The following CEP128 variants were observed in gnomAD, a reference collection of about 807,000 sequenced individuals.
CEP128 encodes centrosomal protein 128kDa.
CEP128 carries 132 observed loss-of-function variants against 156.7 expected under a neutral mutation model. That is an observed-to-expected ratio of 0.84 (90% CI 0.73 to 0.97). The LOEUF is 0.97. Among genes scored for constraint, CEP128 ranks in the 50% least tolerant of loss-of-function variants. CEP128 has a pLI of 0.00. For missense variants in CEP128, 1,252 were observed against 1,281.9 expected, an observed-to-expected ratio of 0.98 and a Z score of 0.36; for synonymous variants, 469 against 448.9, an observed-to-expected ratio of 1.04 and a Z score of -0.57.
At chr14:80,631,175 A>G (rs777567199) in intron 19 of CEP128, among the ~76,000 whole-genome samples, 28 of 151,966 alleles carry the variant, frequency 1.8e-4, no homozygotes, top group Non-Finnish European at 2.9e-4. Flanking sequence ...ATTAGCCACC[A>G]TCTCCATTGA....
At chr14:80,739,976 T>G (rs746496203) in intron 19 of CEP128, among the ~76,000 whole-genome samples, 1 of 152,170 alleles carries the variant, frequency 6.6e-6, no homozygotes, top group Admixed American at 6.6e-5. Flanking sequence ...CAGAGTTTAA[T>G]AAGTATCCAA....
intron 19 of CEP128, among the ~76,000 whole-genome samples, chr14:80,724,093 G>T (rs901130507): frequency 1.3e-5 from 2 of 152,156 alleles, no homozygotes; most frequent in Admixed American, 6.5e-5. Context: ...TACTGTTATT[G>T]GTTCTGTGGT....
upstream of CEP128, among the ~76,000 whole-genome samples, chr14:80,944,658 T>C (rs951808261): frequency 6.6e-6 from 1 of 150,944 alleles, no homozygotes; most frequent in Non-Finnish European, 1.5e-5. Flanking sequence ...CCGTCTCTAC[T>C]AAAAATACAA....
At chr14:80,749,745 T>TATTTAAATATTTAAATATTC (rs1334136838) in intron 18 of CEP128, among the ~76,000 whole-genome samples, 13 of 152,162 alleles carry the variant, frequency 8.5e-5, no homozygotes, top group African/African-American at 2.9e-4. Context: ...TTATCATGCA[T>TATTTAAATATTTAAATATTC]TTTTAAATAA....
intron 13 of CEP128, among the ~76,000 whole-genome samples, chr14:80,816,134 A>G (rs1408195678): frequency 6.6e-6 from 1 of 152,194 alleles, no homozygotes; most frequent in East Asian, 1.9e-4. Context: ...ATTTAAGACA[A>G]TCTATTAAAA....
intron 20 of CEP128, among the ~76,000 whole-genome samples, chr14:80,572,463 T>C (rs977708565): frequency 3.9e-5 from 6 of 152,156 alleles, no homozygotes; most frequent in Non-Finnish European, 7.4e-5. Flanking sequence ...AGATAGACGA[T>C]AAAATGGATT....
Position 80,666,286 on chromosome 14 carries a change from ACT to A in CEP128, c.2806+76787_2806+76788del, listed in dbSNP as rs987853445. On this transcript the variant is annotated intron_variant, in intron 19 of 24. Coordinates refer to ENST00000555265, the MANE Select transcript of CEP128 (RefSeq NM_152446.5). The stretch of plus-strand genomic sequence containing the variant: ...AGAAACAAAGATAGGGAAGTGCCTG[ACT>A]CTAGCCTATGGGCCAGGACAAAGCC... Among the ~76,000 whole-genome samples the A allele has an allele frequency of 1.1e-4, 17 of 152,286 alleles. 1 individual carries two copies. The highest frequency in any genetic ancestry group is 3.1e-4 in the African/African-American group (13 of 41,554).
intron 14 of CEP128, among the ~76,000 whole-genome samples, chr14:80,790,836 C>T (rs1200617360): frequency 6.6e-6 from 1 of 151,978 alleles, no homozygotes; most frequent in African/African-American, 2.4e-5. Context: ...CAGAACCATA[C>T]TGCAAATATG....
chr14:80,741,004 T>C (rs751291761), intron 19 of CEP128, among the ~76,000 whole-genome samples: 9 of 152,096 alleles, frequency 5.9e-5, no homozygotes, highest in Non-Finnish European at 1.0e-4. Context: ...ATTTCATCTT[T>C]AAGGTAAAGG....
At chr14:80,566,995 T>C (rs1890943059) in intron 20 of CEP128, among the ~76,000 whole-genome samples, 1 of 152,038 alleles carries the variant, frequency 6.6e-6, no homozygotes, top group Non-Finnish European at 1.5e-5. Context: ...CCAATAATGG[T>C]CCTTGTTGCC....
intron 3 of CEP128, among the ~76,000 whole-genome samples, chr14:80,915,045 TTTAC>T (rs749894429): frequency 2.0e-5 from 3 of 152,278 alleles, no homozygotes; most frequent in South Asian, 2.1e-4. Context: ...TTTTACTTAC[TTTAC>T]TTACTTACTT....
intron 19 of CEP128, among the ~76,000 whole-genome samples, chr14:80,697,407 T>C (rs1357673182): frequency 1.3e-5 from 2 of 152,132 alleles, no homozygotes; most frequent in African/African-American, 2.4e-5. Flanking sequence ...AGTCATTCAA[T>C]TGAGCACCTC....
At chr14:80,709,853 A>T (rs148409621) in intron 19 of CEP128, among the ~76,000 whole-genome samples, 2 of 151,850 alleles carry the variant, frequency 1.3e-5, no homozygotes, top group African/African-American at 4.8e-5. Context: ...TTTTTTTCTG[A>T]TTGGTTCAGT....
At chr14:80,646,826 C>A (rs1223061583) in intron 19 of CEP128, among the ~76,000 whole-genome samples, 2 of 151,186 alleles carry the variant, frequency 1.3e-5, no homozygotes, top group Admixed American at 6.6e-5. Context: ...TTATTTAGCA[C>A]TCTTATTCTC....
chr14:80,482,401 G>C (rs1012312195), intron 14 of CEP128, among the ~76,000 whole-genome samples: 4 of 152,174 alleles, frequency 2.6e-5, no homozygotes, highest in African/African-American at 9.7e-5. Flanking sequence ...ATGCAGTGTA[G>C]TATGCACTTT....
intron 15 of CEP128, among the ~76,000 whole-genome samples, chr14:80,781,410 T>C (rs1476542949): frequency 6.8e-6 from 1 of 146,876 alleles, no homozygotes; most frequent in African/African-American, 2.5e-5. Context: ...TGAGCTGAGA[T>C]TGCACCACTG....
chr14:80,484,034 T>C (rs1887107804), intron 14 of CEP128, among the ~76,000 whole-genome samples: 1 of 152,138 alleles, frequency 6.6e-6, no homozygotes, highest in Non-Finnish European at 1.5e-5. Flanking sequence ...TAGAGTGCAG[T>C]GGCACAATCA....
intron 2 of CEP128, among the ~76,000 whole-genome samples, chr14:80,932,481 G>A (rs1885523509): frequency 6.6e-6 from 1 of 152,164 alleles, no homozygotes; most frequent in Non-Finnish European, 1.5e-5. Context: ...AAAATATCCT[G>A]AGATTGCCTT....
intron 19 of CEP128, among the ~76,000 whole-genome samples, chr14:80,689,460 G>A (rs1350482720): frequency 2.6e-5 from 4 of 152,152 alleles, no homozygotes; most frequent in Admixed American, 6.5e-5. Context: ...AGAAGCTGGA[G>A]ACAAAGAGAG....
Sources: allele counts gnomAD v4.1 joint callset (sites outside exome capture counted in the v4.1 genomes callset), GRCh38; gene constraint gnomAD v4.1.1; transcripts MANE v1.5; gene names NCBI Gene and HGNC (gene_info 2026-07-23, HGNC 2026-07-21).